PLEKHG1: variants seen among roughly 807,000 people sequenced by gnomAD.
PLEKHG1 encodes the protein pleckstrin homology and RhoGEF domain containing G1.
PLEKHG1 carries 44 observed loss-of-function variants against 100.8 expected under a neutral mutation model. The observed-to-expected ratio is 0.44, with a 90% confidence interval of 0.34 to 0.56. The LOEUF (loss-of-function observed/expected upper bound fraction) is 0.56, where lower values mean the gene tolerates loss of function less well. PLEKHG1 is among the 20% of genes least tolerant of loss of function. The pLI, the probability that PLEKHG1 is intolerant of heterozygous loss-of-function variation, is 0.01. For missense variants in PLEKHG1, 1,545 were observed against 1,720.9 expected (o/e 0.90, Z 1.81); for synonymous variants, 640 against 662.5 (o/e 0.97, Z 0.52).
chr6:150,775,417 C>T (rs1246376467), intron 3 of PLEKHG1, among the ~76,000 whole-genome samples: 1 of 152,190 alleles, frequency 6.6e-6, no homozygotes, highest in African/African-American at 2.4e-5. Context: ...AAGCTCTCTC[C>T]TTCCCTCAGA....
intron 3 of PLEKHG1, among the ~76,000 whole-genome samples, chr6:150,694,965 T>C (rs1780489293): frequency 6.6e-6 from 1 of 152,186 alleles, no homozygotes; most frequent in South Asian, 2.1e-4. Flanking sequence ...CCTGGAAAAC[T>C]AGAATCAATG....
In PLEKHG1 at chr6:150,644,352, T is replaced by TTTTTTTTTTTTTTTTTTTTTG. The variant is rs1582872452; in HGVS notation, c.-158+6227_-158+6228insTTTTTTTTTTTTTTTTTTTTG. Among the ~76,000 whole-genome samples the TTTTTTTTTTTTTTTTTTTTTG allele has an allele frequency of 3.4e-5, 5 of 148,358 alleles. No individual in the cohort carries two copies. In the East Asian group the frequency reaches 1.0e-3, roughly 30 times the overall value. ...TTTTCGTGTTTTTTTTTTTTTTTTT[T>TTTTTTTTTTTTTTTTTTTTTG]GTTACAGAGTCTCACTCTGTCACCC... is the stretch of plus-strand genomic sequence containing the variant. On this transcript the variant is annotated intron_variant, in intron 2 of 3. Transcript: ENST00000367326.
At chr6:150,714,994 A>T (rs1376240839) in intron 3 of PLEKHG1, among the ~76,000 whole-genome samples, 2 of 151,514 alleles carry the variant, frequency 1.3e-5, no homozygotes, top group Non-Finnish European at 3.0e-5. Flanking sequence ...TGTTTTTAGT[A>T]GAGACTGTTG....
intron 10 of PLEKHG1, among the ~76,000 whole-genome samples, chr6:150,816,343 T>TTTTTTTTTTTC (rs1775956216): frequency 8.0e-6 from 1 of 125,486 alleles, no homozygotes; most frequent in African/African-American, 3.2e-5. Context: ...TTTTTTTTTT[T>TTTTTTTTTTTC]TTTTTTTTTT....
At chr6:150,665,029 G>C (rs1779343697) in intron 3 of PLEKHG1, among the ~76,000 whole-genome samples, 1 of 152,138 alleles carries the variant, frequency 6.6e-6, no homozygotes, top group Non-Finnish European at 1.5e-5. Flanking sequence ...GGTAGAGATA[G>C]GTTGCAACCG....
At chr6:150,619,239 T>C (rs6933485) in intron 1 of PLEKHG1, among the ~76,000 whole-genome samples, 42,497 of 151,998 alleles carry the variant, frequency 0.28, 6,234 homozygotes, top group Non-Finnish European at 0.34. Context: ...CATCTGAGTT[T>C]TGCACTCAGT....
intron 1 of PLEKHG1, among the ~76,000 whole-genome samples, chr6:150,607,505 A>G (rs1776652245): frequency 6.6e-6 from 1 of 152,240 alleles, no homozygotes; most frequent in South Asian, 2.1e-4. Flanking sequence ...TTAGAGCTGC[A>G]TCAAAGGGGA....
upstream of PLEKHG1, among the ~76,000 whole-genome samples, chr6:150,717,590 C>T (rs543735895): frequency 2.6e-4 from 39 of 152,298 alleles, no homozygotes; most frequent in African/African-American, 8.4e-4. Context: ...GCTATAGTTA[C>T]GTCCTGTGGG....
intron 1 of PLEKHG1, among the ~76,000 whole-genome samples, chr6:150,730,540 C>T (rs1008376487): frequency 2.6e-5 from 4 of 152,072 alleles, no homozygotes; most frequent in Non-Finnish European, 1.5e-5. Flanking sequence ...GCTTGCCCAT[C>T]GCTCACTTCC....
At chr6:150,658,132 G>A (rs140233752) in intron 3 of PLEKHG1, among the ~76,000 whole-genome samples, 19 of 152,142 alleles carry the variant, frequency 1.2e-4, no homozygotes, top group South Asian at 6.2e-4. Context: ...GATCCCAGTC[G>A]TCCTCATTTC....
chr6:150,789,941 G>A (rs562881039), intron 4 of PLEKHG1, among the ~76,000 whole-genome samples: 1 of 152,304 alleles, frequency 6.6e-6, no homozygotes, highest in East Asian at 1.9e-4. Flanking sequence ...TGGTCTCCTG[G>A]GGATGGTCAT....
intron 2 of PLEKHG1, among the ~76,000 whole-genome samples, chr6:150,760,325 T>G (rs1202006311): frequency 6.6e-6 from 1 of 152,204 alleles, no homozygotes; most frequent in Non-Finnish European, 1.5e-5. Flanking sequence ...TTACCTGGCC[T>G]GGGACCTGGA....
chr6:150,831,101 A>C lies in PLEKHG1; in HGVS notation c.1990A>C (p.Ile664Leu). 1 of 1,614,070 alleles carries C rather than the reference A, an allele frequency of 6.2e-7. No individual in the cohort carries two copies. The highest frequency in any genetic ancestry group is 8.5e-7 in the Non-Finnish European group (1 of 1,179,956). The change falls in exon 15 of 16, where the codon ATC (isoleucine) becomes CTC (leucine). Residue 664 changes from isoleucine (I) to leucine (L), a missense_variant. By Grantham distance (5) the Ile-to-Leu change is conservative. Transcript: ENST00000358517. This position sits in a 1 kb window ranked among gnomAD's most constrained non-coding sequence, Gnocchi z 4.1. ...TGACATAGACCATGTCTATGATAAC[A>C]TCAGTTATGAGGACTTAAAACTAAT...
At chr6:150,699,589 C>A (rs1250267318) in intron 3 of PLEKHG1, among the ~76,000 whole-genome samples, 1 of 152,214 alleles carries the variant, frequency 6.6e-6, no homozygotes, top group Admixed American at 6.5e-5. Flanking sequence ...GGAACAGTGA[C>A]ATTGAGAACA....
At position 150,786,378 on chromosome 6, in the gene PLEKHG1, T is replaced by C. The variant is rs762081835; in HGVS notation, c.513-12T>C. The C allele has an allele frequency of 2.5e-6, 4 of 1,586,466 alleles. No homozygotes were observed. In the South Asian group the frequency reaches 4.4e-5, roughly 18 times the overall value. On this transcript the variant is annotated splice_polypyrimidine_tract_variant and intron_variant, in intron 3 of 15. Coordinates refer to ENST00000358517, the Ensembl canonical transcript of PLEKHG1. ...ACAATCTAATACTTCCTGGCTGTTA[T>C]TTTTTTATTAGTGAACTTCTGCAAG...
intron 4 of PLEKHG1, among the ~76,000 whole-genome samples, chr6:150,790,346 C>A (rs541328183): frequency 3.3e-5 from 5 of 152,254 alleles, no homozygotes; most frequent in African/African-American, 1.2e-4. Flanking sequence ...ATATTTATAT[C>A]TTTCAACTTT....
chr6:150,830,564 T>G lies in PLEKHG1; in HGVS notation c.1471-18T>G. 1 of 1,551,328 alleles carries G rather than the reference T, an allele frequency of 6.4e-7. No homozygotes were observed. Among genetic ancestry groups the G allele is most frequent in the Non-Finnish European group, 8.8e-7 (1 of 1,142,082 alleles). ...CCATGGTGCTGTGATTCAGTTGATA[T>G]GTTTCCATCTTCCTCAGGTTTCTAG... is the stretch of plus-strand genomic sequence containing the variant. On this transcript the variant is annotated intron_variant, in intron 14 of 15. Transcript: ENST00000358517.
intron 1 of PLEKHG1, among the ~76,000 whole-genome samples, chr6:150,602,808 A>G (rs765066280): frequency 2.6e-5 from 4 of 152,172 alleles, no homozygotes; most frequent in Non-Finnish European, 5.9e-5. Flanking sequence ...TGCCTAAGAA[A>G]TGTTGGTTGC....
intron 2 of PLEKHG1, among the ~76,000 whole-genome samples, chr6:150,765,240 C>A (rs1265084136): frequency 6.6e-6 from 1 of 152,076 alleles, no homozygotes; most frequent in Non-Finnish European, 1.5e-5. Context: ...CATCTGTAAT[C>A]CCAGCATTTT....
Sources: gnomAD v4.1 joint callset for allele counts (sites outside exome capture counted in the v4.1 genomes callset) on GRCh38, gnomAD v4.1.1 for gene constraint, Gnocchi (gnomAD v3.1) non-coding constraint, MANE v1.5 for transcripts, NCBI Gene and HGNC (gene_info 2026-07-23, HGNC 2026-07-21) for gene names.